Variants in CMSS1 observed in about 807,000 individuals in gnomAD.
CMSS1 encodes the protein protein CMSS1.
CMSS1 carries 33 observed loss-of-function variants against 43.5 expected under a neutral mutation model. That is an observed-to-expected ratio of 0.76 (90% CI 0.57 to 1.01). CMSS1 has a LOEUF of 1.01. CMSS1 is among the 50% of genes least tolerant of loss of function. The probability of loss-of-function intolerance (pLI) is 0.00; values close to 1 mark genes in which losing one functional copy is unlikely to be tolerated. For synonymous variants in CMSS1, 115 were observed against 117.2 expected (o/e 0.98, Z 0.12); for missense variants, 313 against 326.4 (o/e 0.96, Z 0.32).
At chr3:99,952,012 AT>A (rs998613697) in intron 1 of CMSS1, among the ~76,000 whole-genome samples, 3 of 152,284 alleles carry the variant, frequency 2.0e-5, no homozygotes, top group African/African-American at 7.2e-5. Context: ...GTTGAAATTT[AT>A]TTTAAAAATT....
intron 1 of CMSS1, among the ~76,000 whole-genome samples, chr3:99,822,638 A>G (rs1318764144): frequency 6.6e-6 from 1 of 152,206 alleles, no homozygotes; most frequent in Non-Finnish European, 1.5e-5. Context: ...AGACTGAGGC[A>G]GGAGAATTGC....
At chr3:100,127,225 T>G (rs1041746203) in intron 1 of CMSS1, among the ~76,000 whole-genome samples, 3 of 152,242 alleles carry the variant, frequency 2.0e-5, no homozygotes, top group Non-Finnish European at 4.4e-5. Context: ...TTGTTGTGAT[T>G]ATTTTAAAGC....
intron 1 of CMSS1, among the ~76,000 whole-genome samples, chr3:100,115,993 T>G (rs1413106413): frequency 1.3e-5 from 2 of 152,214 alleles, no homozygotes; most frequent in East Asian, 3.8e-4. Context: ...TGTAGAATGT[T>G]CCTTAGTTTA....
Position 100,046,856 on chromosome 3 carries a change from G to A in CMSS1, c.65-100117G>A, listed in dbSNP as rs540301341. 9.8e-5 allele frequency among the ~76,000 whole-genome samples: 15 copies of A among 152,322 alleles called. No homozygotes were observed. The East Asian group carries it at 2.5e-3, about 25-fold the overall frequency. ...TGCTCAGTGAGTGGTGAGTGGCCAA[G>A]TAACCCAGTTTTCCTATTTTCCATG... On this transcript the variant is annotated intron_variant, in intron 1 of 9. Coordinates refer to ENST00000421999, the MANE Select transcript of CMSS1 (RefSeq NM_032359.4).
At position 100,029,323 on chromosome 3, in the gene CMSS1, A is replaced by G. The variant is rs151102175; in HGVS notation, c.65-117650A>G. 1.1e-3 allele frequency among the ~76,000 whole-genome samples: 162 copies of G among 152,216 alleles called. 3 individuals are homozygous for G. In the East Asian group the frequency reaches 0.022, roughly 21 times the overall value. ...TACAGAAAAGCTTTGTTTTAGTCAC[A>G]TAACACTATTGATTTTGATTATGAT... On this transcript the variant is annotated intron_variant, in intron 1 of 9. Transcript: ENST00000421999.
At chr3:99,888,715 G>A (rs552276256) in intron 1 of CMSS1, among the ~76,000 whole-genome samples, 160 of 152,114 alleles carry the variant, frequency 1.1e-3, no homozygotes, top group Non-Finnish European at 2.0e-3. Flanking sequence ...GTAGAGATAT[G>A]AACACTTTAT....
intron 1 of CMSS1, among the ~76,000 whole-genome samples, chr3:100,119,195 T>C (rs1001830398): frequency 2.0e-5 from 3 of 152,242 alleles, no homozygotes; most frequent in Admixed American, 6.5e-5. Flanking sequence ...TTGACAGATA[T>C]ATATTGCTAA....
chr3:99,872,868 C>A (rs760946301), intron 1 of CMSS1, among the ~76,000 whole-genome samples: 2 of 151,680 alleles, frequency 1.3e-5, no homozygotes, highest in Non-Finnish European at 1.5e-5. Flanking sequence ...CCAGCTTTCC[C>A]AGGCAGAGAC....
chr3:100,090,940 G>T (rs1420989129), intron 1 of CMSS1, among the ~76,000 whole-genome samples: 2 of 152,146 alleles, frequency 1.3e-5, no homozygotes. Context: ...AAAGTAGCTT[G>T]GGATTACAAG....
intron 1 of CMSS1, among the ~76,000 whole-genome samples, chr3:100,136,342 C>T (rs767968329): frequency 6.6e-6 from 1 of 152,178 alleles, no homozygotes; most frequent in East Asian, 1.9e-4. Flanking sequence ...AAGCACCACA[C>T]GCCCACAGCT....
At chr3:99,822,862 G>A (rs534687301) in intron 1 of CMSS1, among the ~76,000 whole-genome samples, 1 of 152,294 alleles carries the variant, frequency 6.6e-6, no homozygotes, top group African/African-American at 2.4e-5. Context: ...AAGTACACCA[G>A]CGGTAGTTAC....
chr3:100,103,595 A>G lies in CMSS1; in HGVS notation c.65-43378A>G, dbSNP rs115581543. Among the ~76,000 whole-genome samples the G allele has an allele frequency of 3.4e-3, 524 of 152,258 alleles. 3 individuals are homozygous for G. The highest frequency in any genetic ancestry group is 0.012 in the African/African-American group (482 of 41,548). On this transcript the variant is annotated intron_variant, in intron 1 of 9. Coordinates refer to ENST00000421999, the MANE Select transcript of CMSS1 (RefSeq NM_032359.4). ...ACAACCATTCTTCATGTTGAGCAAAAAGGAGGTGTGGGCAGTTAAGAGCCA... is the reference window on the plus strand; with the variant it reads ...ACAACCATTCTTCATGTTGAGCAAAGAGGAGGTGTGGGCAGTTAAGAGCCA...
At chr3:100,103,014 A>G (rs1047948486) in intron 1 of CMSS1, among the ~76,000 whole-genome samples, 1 of 152,202 alleles carries the variant, frequency 6.6e-6, no homozygotes, top group Non-Finnish European at 1.5e-5. Context: ...GTGGAGGAAA[A>G]AAGTGTGAGG....
chr3:99,991,098 A>G (rs1279282540), intron 1 of CMSS1, among the ~76,000 whole-genome samples: 1 of 152,180 alleles, frequency 6.6e-6, no homozygotes, highest in Non-Finnish European at 1.5e-5. Context: ...CATAAGACCA[A>G]AAAAATTCTT....
rs577065852 is a variant in CMSS1, at chr3:100,043,031, T to C, written c.65-103942T>C. 2.6e-5 allele frequency among the ~76,000 whole-genome samples: 4 copies of C among 152,352 alleles called. No homozygotes were observed. In the South Asian group the frequency reaches 8.3e-4, roughly 32 times the overall value. ...ACATAGCCTGTGCTGGTCACAGCCT[T>C]CTTTGCTCATCTCTCTTTACCTCAA... On this transcript the variant is annotated intron_variant, in intron 1 of 9. Transcript: ENST00000421999.
intron 1 of CMSS1, among the ~76,000 whole-genome samples, chr3:100,128,594 C>T (rs972215100): frequency 6.6e-6 from 1 of 152,134 alleles, no homozygotes; most frequent in Non-Finnish European, 1.5e-5. Context: ...TTTACCAAGA[C>T]CTAGAACATT....
chr3:99,850,354 C>T, intron 1 of CMSS1: 1 of 1,613,004 alleles, frequency 6.2e-7, no homozygotes, highest in Non-Finnish European at 8.5e-7. Flanking sequence ...CAGAGAGTAG[C>T]ATTCTTGTTT....
intron 1 of CMSS1, among the ~76,000 whole-genome samples, chr3:100,093,300 A>C (rs1407790054): frequency 6.6e-6 from 1 of 152,096 alleles, no homozygotes; most frequent in Non-Finnish European, 1.5e-5. Context: ...AAAACAATGT[A>C]TGTTCATTTT....
intron 1 of CMSS1, among the ~76,000 whole-genome samples, chr3:99,857,530 A>G (rs547755991): frequency 6.6e-6 from 1 of 152,366 alleles, no homozygotes; most frequent in African/African-American, 2.4e-5. Context: ...ATGTTTGTTT[A>G]TTACATAAGC....
Sources: allele counts gnomAD v4.1 joint callset (sites outside exome capture counted in the v4.1 genomes callset), GRCh38; gene constraint gnomAD v4.1.1; transcripts MANE v1.5; gene names NCBI Gene and HGNC (gene_info 2026-07-23, HGNC 2026-07-21).